The following RIMKLA variants were observed in gnomAD, a reference collection of about 807,000 sequenced individuals.
The protein encoded by RIMKLA is N-acetylaspartylglutamate synthase A.
RIMKLA carries 14 observed loss-of-function variants against 32.7 expected under a neutral mutation model. The observed-to-expected ratio is 0.43, with a 90% CI of 0.28 to 0.67. The LOEUF is 0.67. Among genes scored for constraint, RIMKLA ranks in the 30% least tolerant of loss-of-function variants. The pLI, the probability that RIMKLA is intolerant of heterozygous loss-of-function variation, is 0.18. For synonymous variants in RIMKLA, 176 were observed against 204.1 expected (o/e 0.86, Z 1.18); for missense variants, 410 against 519.0 (o/e 0.79, Z 2.04).
chr1:42,382,881 G>A (rs1014809680), intron 1 of RIMKLA, among the ~76,000 whole-genome samples: 14 of 151,876 alleles, frequency 9.2e-5, no homozygotes, highest in African/African-American at 3.1e-4. Flanking sequence ...TTTTGAGACA[G>A]AGTTTTGGGT....
rs1383882867 is a variant in RIMKLA, at chr1:42,420,469, T to TC, written c.*5495_*5496insC. The TC allele has an allele frequency of 2.0e-5, 3 of 152,240 alleles. No homozygotes were observed. The highest frequency in any genetic ancestry group is 2.9e-5 in the Non-Finnish European group (2 of 68,054). The allele number at this position is 152,240 out of a possible 1,614,324, so 9.4% of individuals were successfully genotyped here. The stretch of plus-strand genomic sequence containing the variant: ...TCCACTCCACGTGGTCCCTGTCTCC[T>TC]GTCCTTGGGACAGAGCAGTTCCATT... On this transcript the variant is annotated 3_prime_UTR_variant, in exon 5 of 5. Coordinates refer to ENST00000431473, the MANE Select transcript of RIMKLA (RefSeq NM_173642.4).
Position 42,409,977 on chromosome 1 carries a change from C to A in RIMKLA, c.482-7C>A. ...AACCCCTTCTCTTGCTCTTTTTCTT[C>A]TTAAAGGAAAAGCTGTTTTTCTGGC... On this transcript the variant is annotated splice_region_variant and splice_polypyrimidine_tract_variant and intron_variant, in intron 3 of 4. Coordinates refer to ENST00000431473, the MANE Select transcript of RIMKLA (RefSeq NM_173642.4). 1 of 1,611,890 alleles carries A rather than the reference C, an allele frequency of 6.2e-7. No homozygotes were observed. Among genetic ancestry groups the A allele is most frequent in the South Asian group, 1.1e-5 (1 of 91,014 alleles).
chr1:42,385,826 TCCTTTCTTTCTTTCTTTC>T lies in RIMKLA; in HGVS notation c.163+4730_163+4747del, dbSNP rs1447804429. The stretch of plus-strand genomic sequence containing the variant: ...CTCTCTCTTTCCTTCCTTCCTTCCT[TCCTTTCTTTCTTTCTTTC>T]TCTTTCTTTCTTTCTTTCTTTCTTT... On this transcript the variant is annotated intron_variant, in intron 1 of 4. Transcript: ENST00000431473. 6.7e-5 allele frequency among the ~76,000 whole-genome samples: 6 copies of T among 89,450 alleles called. 1 individual carries two copies. Among genetic ancestry groups the T allele is most frequent in the African/African-American group, 2.3e-4 (6 of 26,422 alleles). 58.7% of individuals were successfully genotyped at this position (89,450 alleles called of 152,430 possible).
rs59466345 is a variant in RIMKLA at position 42,416,495 on chromosome 1, TAAAAA to T, written c.*1529_*1533del. The T allele has an allele frequency of 1.3e-5, 2 of 150,910 alleles. No individual in the cohort carries two copies. Among genetic ancestry groups the T allele is most frequent in the African/African-American group, 2.4e-5 (1 of 41,134 alleles). The allele number at this position is 150,910 out of a possible 1,614,324, so 9.3% of individuals were successfully genotyped here. ...TTATTTTCTAATGCTCTTTAGCTGT[TAAAAA>T]AAAAAAATCATTCCTCAAAAAATAG... On this transcript the variant is annotated 3_prime_UTR_variant, in exon 5 of 5. Coordinates refer to ENST00000431473, the MANE Select transcript of RIMKLA (RefSeq NM_173642.4).
chr1:42,394,103 A>G lies in RIMKLA; in HGVS notation c.164-5301A>G, dbSNP rs534677443. On this transcript the variant is annotated intron_variant, in intron 1 of 4. Coordinates refer to ENST00000431473, the MANE Select transcript of RIMKLA (RefSeq NM_173642.4). ...CCTGGCCTATTCACGTTATTTATAT[A>G]GTTGATTCCTTTCTGGTAACTTTCA... Among the ~76,000 whole-genome samples the G allele has an allele frequency of 1.1e-4, 16 of 152,318 alleles. No homozygotes were observed. In the South Asian group the frequency reaches 3.3e-3, roughly 32 times the overall value.
chr1:42,381,170 C>T (rs1057055350), intron 1 of RIMKLA, 73 bp downstream of exon 1: 2 of 1,135,016 alleles, frequency 1.8e-6, no homozygotes, highest in African/African-American at 1.6e-5. Flanking sequence ...TGGGCGCGCT[C>T]GCCGGGCCTC....
intron 2 of RIMKLA, among the ~76,000 whole-genome samples, chr1:42,400,865 C>G (rs1447979043): frequency 6.6e-6 from 1 of 152,068 alleles, no homozygotes; most frequent in Non-Finnish European, 1.5e-5. Context: ...GATGAGAGTA[C>G]TCAGGGAGAG....
At chr1:42,385,717 C>CTT (rs1249936574) in intron 1 of RIMKLA, among the ~76,000 whole-genome samples, 6 of 109,040 alleles carry the variant, frequency 5.5e-5, no homozygotes, top group African/African-American at 1.7e-4. Flanking sequence ...TTCTTTCCTT[C>CTT]TCTTTCTTTC....
chr1:42,400,436 T>A (rs1643087615), intron 2 of RIMKLA, among the ~76,000 whole-genome samples: 1 of 152,182 alleles, frequency 6.6e-6, no homozygotes, highest in South Asian at 2.1e-4. Context: ...GGTAGGTTTT[T>A]AAAATAATCC....
intron 4 of RIMKLA, among the ~76,000 whole-genome samples, chr1:42,413,372 G>A (rs1643216812): frequency 6.6e-6 from 1 of 150,828 alleles, no homozygotes. Context: ...GTAGTGGCGG[G>A]CGCCTGTAGT....
At chr1:42,387,846 A>G (rs1642963548) in intron 1 of RIMKLA, among the ~76,000 whole-genome samples, 1 of 151,172 alleles carries the variant, frequency 6.6e-6, no homozygotes, top group Admixed American at 6.6e-5. Context: ...TAAAAAGTAT[A>G]GTATATTGGC....
chr1:42,380,987 C>G lies in RIMKLA; in HGVS notation c.53C>G (p.Pro18Arg). Residue 18 changes from proline to arginine, a missense_variant, in exon 1 of 5, where the codon CCG (proline) becomes CGG (arginine). Physicochemically the swap from Pro to Arg is moderately radical, Grantham distance 103 (BLOSUM62 -2). Transcript: ENST00000431473. ...LTDRRIREDY[P>R]QVQILRALRQ... is the part of the protein sequence containing the mutation. ...GACCGGCGCATCCGCGAGGACTACCCGCAGGTGCAGATCCTGCGCGCCCTC... is the reference window on the plus strand; with the variant it reads ...GACCGGCGCATCCGCGAGGACTACCGGCAGGTGCAGATCCTGCGCGCCCTC... 6.9e-7 allele frequency: 1 copy of G among 1,451,906 alleles called. No individual in the cohort carries two copies. The highest frequency in any genetic ancestry group is 1.3e-5 in the South Asian group (1 of 74,848). 89.9% of individuals were successfully genotyped at this position (1,451,906 alleles called of 1,614,324 possible). A position where few individuals can be genotyped will look rare whatever the true frequency, so the allele number is the denominator to read the frequency against.
rs1190729098 is a variant in RIMKLA, at chr1:42,420,014, C to T, written c.*5040C>T. The T allele has an allele frequency of 6.6e-6, 1 of 152,300 alleles. No homozygotes were observed. Among genetic ancestry groups the T allele is most frequent in the African/African-American group, 2.4e-5 (1 of 41,466 alleles). The allele number at this position is 152,300 out of a possible 1,614,324, so 9.4% of individuals were successfully genotyped here. On this transcript the variant is annotated 3_prime_UTR_variant, in exon 5 of 5. Transcript: ENST00000431473. ...AGCAACAAGGTCAAAAGTTTCCCCC[C>T]ACTTTCTGTTCCACAGTGCGTTCCC... is the stretch of plus-strand genomic sequence containing the variant.
In RIMKLA at chr1:42,399,523, G is replaced by A. The variant is rs1319848280; in HGVS notation, c.283G>A (p.Gly95Ser). The change falls in exon 2 of 5, where the codon GGC becomes AGC. Residue 95 changes from glycine (G) to serine (S), a missense_variant. Gly to Ser is a moderately conservative substitution (Grantham distance 56). Transcript: ENST00000431473. Reference sequence around the variant, plus strand: ...TGTCCTGCGACACCTGGAGAAGCTGGGCTGCCGGTTGGTCAATCGCCCACA... The same window carrying A: ...TGTCCTGCGACACCTGGAGAAGCTGAGCTGCCGGTTGGTCAATCGCCCACA... The part of the protein sequence containing the change: ...ITVLRHLEKL[G>S]CRLVNRPQSI... 11 of 1,613,384 alleles carry A rather than the reference G, an allele frequency of 6.8e-6. No individual in the cohort carries two copies. The highest frequency in any genetic ancestry group is 9.3e-6 in the Non-Finnish European group (11 of 1,179,814).
At chr1:42,410,842 C>T (rs1419489838) in intron 4 of RIMKLA, among the ~76,000 whole-genome samples, 1 of 151,912 alleles carries the variant, frequency 6.6e-6, no homozygotes, top group Non-Finnish European at 1.5e-5. Flanking sequence ...AAAAAAATCA[C>T]AATCACTAGT....
In RIMKLA at chr1:42,414,875, G is replaced by C. The variant is rs757856997; in HGVS notation, c.1077G>C (p.Arg359=). The C allele has an allele frequency of 6.2e-7, 1 of 1,614,158 alleles. No individual in the cohort carries two copies. The highest frequency in any genetic ancestry group is 1.1e-5 in the South Asian group (1 of 91,084). ...SESEPELGEI[R]DSSASTMGAP... ...GTGAGCCTGAACTGGGAGAGATCCGGGATTCCTCAGCAAGCACAATGGGGG... is the reference window on the plus strand; with the variant it reads ...GTGAGCCTGAACTGGGAGAGATCCGCGATTCCTCAGCAAGCACAATGGGGG... The change falls in exon 5 of 5, where the codon CGG becomes CGC. Residue 359 remains arginine (R), a synonymous_variant. Coordinates refer to ENST00000431473, the MANE Select transcript of RIMKLA (RefSeq NM_173642.4).
In RIMKLA at chr1:42,415,298, A is replaced by G; in HGVS notation, c.*324A>G. 1 of 255,304 alleles carries G rather than the reference A, an allele frequency of 3.9e-6. No individual in the cohort carries two copies. Among genetic ancestry groups the G allele is most frequent in the Non-Finnish European group, 7.5e-6 (1 of 133,142 alleles). The allele number at this position is 255,304 out of a possible 1,614,324, so 15.8% of individuals were successfully genotyped here. Reference sequence around the variant, plus strand: ...TTTTAGCAGTAGAACCCATTAGCTCAAAATGGCTCTTGGAATTATGTACTC... The same window carrying G: ...TTTTAGCAGTAGAACCCATTAGCTCGAAATGGCTCTTGGAATTATGTACTC... On this transcript the variant is annotated 3_prime_UTR_variant, in exon 5 of 5. Transcript: ENST00000431473.
rs1169928938 is a variant in RIMKLA at position 42,416,488 on chromosome 1, TA to T, written c.*1515del. On this transcript the variant is annotated 3_prime_UTR_variant, in exon 5 of 5. Coordinates refer to ENST00000431473, the MANE Select transcript of RIMKLA (RefSeq NM_173642.4). ...AGCAGACTTATTTTCTAATGCTCTT[TA>T]GCTGTTAAAAAAAAAAAATCATTCC... 5.0e-5 allele frequency: 2 copies of T among 40,316 alleles called. No individual in the cohort carries two copies. The highest frequency in any genetic ancestry group is 1.0e-4 in the Non-Finnish European group (2 of 19,260). The allele number at this position is 40,316 out of a possible 1,614,324, so 2.5% of individuals were successfully genotyped here. A position where few individuals can be genotyped will look rare whatever the true frequency, so the allele number is the denominator to read the frequency against.
intron 1 of RIMKLA, among the ~76,000 whole-genome samples, chr1:42,385,844 C>CTCTCTG (rs1184237388): frequency 1.8e-5 from 1 of 56,996 alleles, no homozygotes; most frequent in African/African-American, 6.6e-5. Flanking sequence ...TTCTTTCTTT[C>CTCTCTG]TCTTTCTTTC....
Sources: gnomAD v4.1 joint callset for allele counts (sites outside exome capture counted in the v4.1 genomes callset) on GRCh38, gnomAD v4.1.1 for gene constraint, MANE v1.5 for transcripts, NCBI Gene and HGNC (gene_info 2026-07-23, HGNC 2026-07-21) for gene names.